GRIK2: variants seen among roughly 807,000 people sequenced by gnomAD.
GRIK2 encodes glutamate ionotropic receptor kainate type subunit 2.
A neutral mutation model predicts 100.3 loss-of-function variants in GRIK2; 32 were observed. The ratio of observed to expected loss-of-function variants is 0.32; its 90% CI spans 0.24 to 0.43. The LOEUF (loss-of-function observed/expected upper bound fraction) is 0.43. Among genes scored for constraint, GRIK2 ranks in the 20% least tolerant of loss-of-function variants. The pLI is 1.00. For synonymous variants in GRIK2, 417 were observed against 389.4 expected, an observed-to-expected ratio of 1.07 and a Z score of -0.83; for missense variants, 843 against 1,114.9, an observed-to-expected ratio of 0.76 and a Z score of 3.47.
intron 2 of GRIK2, among the ~76,000 whole-genome samples, chr6:101,520,655 G>A (rs143437917): frequency 1.1e-3 from 174 of 152,084 alleles, no homozygotes; most frequent in African/African-American, 3.8e-3. Flanking sequence ...ATTGTGCGGC[G>A]ACTTCTTTCT....
At chr6:101,558,792 C>T (rs1776862406) in intron 2 of GRIK2, among the ~76,000 whole-genome samples, 2 of 151,660 alleles carry the variant, frequency 1.3e-5, no homozygotes, top group African/African-American at 4.8e-5. Flanking sequence ...TGTCTTCAAC[C>T]ATTATATTTT....
chr6:101,419,186 C>G (rs1040608199), intron 2 of GRIK2, among the ~76,000 whole-genome samples: 27 of 152,108 alleles, frequency 1.8e-4, no homozygotes, highest in African/African-American at 6.3e-4. Context: ...TCTTACTTTT[C>G]CTGTCACATG....
chr6:101,909,627 A>T (rs1199615106), intron 12 of GRIK2, among the ~76,000 whole-genome samples: 3 of 150,618 alleles, frequency 2.0e-5, no homozygotes, highest in Non-Finnish European at 4.5e-5. Context: ...TCAAATGAAT[A>T]AAAAATGAAG....
intron 15 of GRIK2, among the ~76,000 whole-genome samples, chr6:102,045,829 T>A (rs1404303392): frequency 6.6e-6 from 1 of 152,070 alleles, no homozygotes; most frequent in Non-Finnish European, 1.5e-5. Context: ...AAGCAATGAA[T>A]AAAAATTGCA....
intron 2 of GRIK2, among the ~76,000 whole-genome samples, chr6:101,614,009 A>T (rs1424537176): frequency 6.6e-6 from 1 of 151,630 alleles, no homozygotes; most frequent in East Asian, 1.9e-4. Context: ...CTCTCCAGAG[A>T]GGTGAGGGAC....
At chr6:101,674,845 T>C in intron 4 of GRIK2, among the ~76,000 whole-genome samples, 1 of 152,216 alleles carries the variant, frequency 6.6e-6, no homozygotes, top group Non-Finnish European at 1.5e-5. Context: ...GCCATGTGTT[T>C]TTAAAACAAA....
chr6:101,842,521 GTCC>G (rs1345532434), intron 10 of GRIK2, among the ~76,000 whole-genome samples: 1 of 151,938 alleles, frequency 6.6e-6, no homozygotes, highest in African/African-American at 2.4e-5. Context: ...CAAGTTCTCT[GTCC>G]TCAACTAGAT....
chr6:101,864,234 T>C (rs1784917136), intron 11 of GRIK2, among the ~76,000 whole-genome samples: 1 of 151,458 alleles, frequency 6.6e-6, no homozygotes, highest in Non-Finnish European at 1.5e-5. Flanking sequence ...GTTAAATACA[T>C]CAGTGAGACA....
intron 7 of GRIK2, 24 bp from the exon 8 acceptor site, chr6:101,799,624 A>T (rs1213143544): frequency 6.2e-7 from 1 of 1,601,396 alleles, no homozygotes; most frequent in South Asian, 1.1e-5. Flanking sequence ...TTGACTATAA[A>T]TTTCCCTTTC....
intron 9 of GRIK2, among the ~76,000 whole-genome samples, chr6:101,809,721 A>G (rs1334255615): frequency 1.3e-5 from 2 of 151,998 alleles, no homozygotes; most frequent in Non-Finnish European, 2.9e-5. Context: ...GCTTCTCTAA[A>G]AACAAAAATA....
chr6:101,493,759 G>A (rs1024031118), intron 2 of GRIK2, among the ~76,000 whole-genome samples: 4 of 150,874 alleles, frequency 2.7e-5, no homozygotes, highest in Non-Finnish European at 4.4e-5. Flanking sequence ...TATATTATTG[G>A]AATTTGTGTA....
intron 2 of GRIK2, among the ~76,000 whole-genome samples, chr6:101,495,202 T>C (rs920815059): frequency 1.3e-5 from 2 of 151,866 alleles, no homozygotes; most frequent in Non-Finnish European, 2.9e-5. Context: ...TTCTCTCATT[T>C]AGCCTTTAAG....
At chr6:101,847,397 T>C (rs1783873431) in intron 10 of GRIK2, among the ~76,000 whole-genome samples, 1 of 152,132 alleles carries the variant, frequency 6.6e-6, no homozygotes, top group Admixed American at 6.6e-5. Context: ...AAATAAGATA[T>C]TCCCCTCACC....
At position 101,799,756 on chromosome 6, in the gene GRIK2, C is replaced by T. The variant is rs755777802; in HGVS notation, c.1060C>T (p.Arg354Cys). Residue 354 changes from arginine (R) to cysteine (C), a missense_variant, in exon 8 of 17, where the codon CGC (arginine) becomes TGC (cysteine). This residue lies in a region of GRIK2 where 519 missense variants were observed against 643.8 expected (regional missense o/e 0.81). Transcript: ENST00000369134. ...SLQCNRHKPW[R>C]FGTRFMSLIK... The stretch of plus-strand genomic sequence containing the variant: ...GCAGTGTAATCGACATAAACCCTGG[C>T]GCTTCGGGACCCGCTTTATGAGTCT... 1.9e-6 allele frequency: 3 copies of T among 1,613,226 alleles called. No homozygotes were observed. The highest frequency in any genetic ancestry group is 2.2e-5 in the East Asian group (1 of 44,864).
chr6:101,782,654 T>G (rs1779169736), intron 7 of GRIK2, among the ~76,000 whole-genome samples: 2 of 152,206 alleles, frequency 1.3e-5, no homozygotes, highest in Admixed American at 1.3e-4. Context: ...TTGCAAATAG[T>G]GTTAAATAAA....
At chr6:101,940,222 T>G (rs1281107397) in intron 14 of GRIK2, among the ~76,000 whole-genome samples, 1 of 152,172 alleles carries the variant, frequency 6.6e-6, no homozygotes, top group Non-Finnish European at 1.5e-5. Context: ...GGCAGGATTC[T>G]TGAGATCACT....
intron 2 of GRIK2, among the ~76,000 whole-genome samples, chr6:101,441,018 C>G (rs558164676): frequency 1.1e-4 from 16 of 144,984 alleles, no homozygotes; most frequent in African/African-American, 3.9e-4. Flanking sequence ...TGTCTTGCTG[C>G]TCAGGACAGA....
intron 2 of GRIK2, among the ~76,000 whole-genome samples, chr6:101,439,997 T>C (rs763509141): frequency 2.6e-5 from 4 of 152,158 alleles, no homozygotes; most frequent in Non-Finnish European, 5.9e-5. Context: ...AATGTTCTCA[T>C]TGGAAGATGA....
intron 11 of GRIK2, among the ~76,000 whole-genome samples, chr6:101,874,276 A>C (rs1463410970): frequency 2.0e-5 from 3 of 152,086 alleles, no homozygotes; most frequent in Non-Finnish European, 2.9e-5. Context: ...TTTTTGTATA[A>C]GGTGTAAGGA....
Sources: gnomAD v4.1 joint callset for allele counts (sites outside exome capture counted in the v4.1 genomes callset) on GRCh38, gnomAD v4.1.1 for gene constraint, gnomAD v4.1.1 regional missense constraint, MANE v1.5 for transcripts, NCBI Gene and HGNC (gene_info 2026-07-23, HGNC 2026-07-21) for gene names.